Variants in COX15 observed in about 807,000 individuals in gnomAD.
COX15 encodes the protein cytochrome c oxidase assembly factor COX15, also known as heme A synthase COX15.
Under a neutral mutation model 51.9 loss-of-function variants are expected in COX15, and 51 were observed. The ratio of observed to expected loss-of-function variants is 0.98; its 90% CI spans 0.78 to 1.24. COX15 has a LOEUF of 1.24. Ranked by LOEUF, COX15 falls within the 50% of genes most tolerant of loss-of-function variation. The pLI is 0.00. For missense variants in COX15, 420 were observed against 501.1 expected, an observed-to-expected ratio of 0.84 and a Z score of 1.55; for synonymous variants, 188 against 190.5, an observed-to-expected ratio of 0.99 and a Z score of 0.11.
chr10:99,716,728 C>T, intron 7 of COX15: 1 of 387,506 alleles, frequency 2.6e-6, no homozygotes, highest in Non-Finnish European at 4.9e-6. Context: ...CCAGTGATCT[C>T]ATCCACCTTC....
At chr10:99,727,310 G>A (rs2036992737) in intron 3 of COX15, 131 bp downstream of exon 3, 2 of 1,477,558 alleles carry the variant, frequency 1.4e-6, no homozygotes, top group African/African-American at 1.4e-5. Context: ...GGATTTGGGG[G>A]CTTAGAAGAC....
chr10:99,709,636 A>C (rs778853328), downstream of COX15: 3 of 985,242 alleles, frequency 3.0e-6, no homozygotes, highest in Non-Finnish European at 3.6e-6. Flanking sequence ...CATAACCTGG[A>C]TCTAAGTTGG....
At chr10:99,719,527 G>C (rs1032390640) in intron 6 of COX15, among the ~76,000 whole-genome samples, 9 of 151,986 alleles carry the variant, frequency 5.9e-5, no homozygotes, top group Non-Finnish European at 1.3e-4. Flanking sequence ...GTCTTGCTCT[G>C]TCACCCAGGC....
downstream of COX15, among the ~76,000 whole-genome samples, chr10:99,708,320 C>T (rs1590071351): frequency 6.6e-6 from 1 of 152,190 alleles, no homozygotes; most frequent in African/African-American, 2.4e-5. Flanking sequence ...ATACTTCTCA[C>T]TGATATCATC....
At chr10:99,727,255 T>C in intron 3 of COX15, 101 bp from the exon 4 acceptor site, 1 of 1,461,382 alleles carries the variant, frequency 6.8e-7, no homozygotes, top group South Asian at 1.2e-5. Context: ...TCCTGCAACT[T>C]GGTAGGTCTG....
rs2036746752 is a variant in COX15 at position 99,721,012 on chromosome 10, A to G, written c.807T>C (p.Gly269=). 6.2e-7 allele frequency: 1 copy of G among 1,613,824 alleles called. No individual in the cohort carries two copies. The highest frequency in any genetic ancestry group is 2.2e-5 in the East Asian group (1 of 44,878). The change falls in exon 6 of 9, where the codon GGT becomes GGC. Residue 269 remains glycine (G), a synonymous_variant. Transcript: ENST00000016171. The part of the protein sequence containing the change: ...QLRRFAHGTA[G]LVFLTALSGA... ...CTGAGAGGGCCGTAAGGAACACCAG[A>G]CCTGCTGTTCCATGAGCAAATCGTC...
intron 7 of COX15, among the ~76,000 whole-genome samples, chr10:99,717,576 A>C (rs1279954192): frequency 6.6e-6 from 1 of 152,072 alleles, no homozygotes; most frequent in Non-Finnish European, 1.5e-5. Flanking sequence ...CCAGGCTAGA[A>C]TGCAGTAACG....
rs1441215745 is a variant in COX15 at position 99,716,394 on chromosome 10, CT to C, written c.1054del (p.Arg352GlyfsTer7). 6.2e-7 allele frequency: 1 copy of C among 1,613,798 alleles called. No homozygotes were observed. The highest frequency in any genetic ancestry group is 8.5e-7 in the Non-Finnish European group (1 of 1,179,960). On this transcript the variant is annotated frameshift_variant, in exon 8 of 9. Coordinates refer to ENST00000016171, the MANE Select transcript of COX15 (RefSeq NM_078470.6). LOFTEE classifies it high-confidence loss of function. ...CAGAGTCACTGCTGCCATCTTGGTC[CT>C]TCTAGGAAGGGGAATTCTCCGAGAG... Reference protein sequence around the residue: ...FLSRRIPLPRRTKMAAVTLLA... With the variant: ...FLSRRIPLPRXTKMAAVTLLA...
chr10:99,717,185 C>A (rs150220775), intron 7 of COX15, among the ~76,000 whole-genome samples: 1 of 152,106 alleles, frequency 6.6e-6, no homozygotes, highest in African/African-American at 2.4e-5. Flanking sequence ...TCTCTCTGGA[C>A]GTGCTGCTCT....
Position 99,729,860 on chromosome 10 carries a change from T to C in COX15, c.91-126A>G, listed in dbSNP as rs2037083035. 5.3e-6 allele frequency: 5 copies of C among 943,020 alleles called. No individual in the cohort carries two copies. In the East Asian group the frequency reaches 1.3e-4, roughly 25 times the overall value. 58.4% of individuals were successfully genotyped at this position (943,020 alleles called of 1,614,324 possible). On this transcript the variant is annotated intron_variant, in intron 1 of 8. Transcript: ENST00000016171. ...ACAGCCATGTCTTGTTAAGTCATCA[T>C]CTCTTATCTGGATTACTGCATCAGC...
rs1288984579 is a variant in COX15 at position 99,718,781 on chromosome 10, T to C, written c.833-281A>G. ...TGTGGGGGGAGGGGGAGAGGCTTAT[T>C]AGCTTAGAAAAATTCCCTTAGTGAT... On this transcript the variant is annotated intron_variant, in intron 6 of 8. Transcript: ENST00000016171. Among the ~76,000 whole-genome samples, 5 of 152,066 alleles carry C rather than the reference T, an allele frequency of 3.3e-5. No individual in the cohort carries two copies. The South Asian group carries it at 6.2e-4, about 19-fold the overall frequency.
intron 7 of COX15, among the ~76,000 whole-genome samples, chr10:99,717,391 C>T (rs745503216): frequency 6.6e-6 from 1 of 152,170 alleles, no homozygotes; most frequent in Non-Finnish European, 1.5e-5. Flanking sequence ...ATTTATTTAT[C>T]GTAGAGATGA....
chr10:99,715,820 C>T (rs1449349456), intron 8 of COX15, among the ~76,000 whole-genome samples: 1 of 151,766 alleles, frequency 6.6e-6, no homozygotes, highest in East Asian at 1.9e-4. Flanking sequence ...TTTAAATTTG[C>T]TCCTCTCTGA....
At chr10:99,695,833 A>G in the COX15 span, 1 of 874,348 alleles carries the variant, frequency 1.1e-6, no homozygotes, top group East Asian at 2.8e-5. Flanking sequence ...TGAGGATGAA[A>G]GAATGCTTAA....
chr10:99,710,846 C>T (rs1228491362), downstream of COX15: 71 of 985,188 alleles, frequency 7.2e-5, no homozygotes, highest in Non-Finnish European at 8.6e-5. Flanking sequence ...AAGTTACAGA[C>T]AAAAAATTCT....
chr10:99,709,000 A>G (rs1411135838), downstream of COX15: 1 of 985,330 alleles, frequency 1.0e-6, no homozygotes, highest in Admixed American at 6.1e-5. Flanking sequence ...ACTTTGAAAA[A>G]AATACTTTGT....
In COX15 at chr10:99,713,314, T is replaced by G. The variant is rs1012343886; in HGVS notation, c.*1273A>C. Reference sequence around the variant, plus strand: ...AATTTAAATGAGTATGTTACATTTCTAATCTGTTTAATTTCATCTCGATGG... The same window carrying G: ...AATTTAAATGAGTATGTTACATTTCGAATCTGTTTAATTTCATCTCGATGG... On this transcript the variant is annotated 3_prime_UTR_variant, in exon 9 of 9. Coordinates refer to ENST00000016171, the MANE Select transcript of COX15 (RefSeq NM_078470.6). 1.9e-6 allele frequency: 3 copies of G among 1,593,356 alleles called. No homozygotes were observed. Among genetic ancestry groups the G allele is most frequent in the African/African-American group, 1.3e-5 (1 of 74,512 alleles).
At chr10:99,702,772 T>C in the COX15 span, 3 of 1,216,064 alleles carry the variant, frequency 2.5e-6, no homozygotes, top group Non-Finnish European at 3.3e-6. Flanking sequence ...CAGCTTAGAA[T>C]AGGTCTTAAG....
At position 99,713,328 on chromosome 10, in the gene COX15, T is replaced by G; in HGVS notation, c.*1259A>C. On this transcript the variant is annotated 3_prime_UTR_variant, in exon 9 of 9. Coordinates refer to ENST00000016171, the MANE Select transcript of COX15 (RefSeq NM_078470.6). ...TGTTACATTTCTAATCTGTTTAATT[T>G]CATCTCGATGGGGTCATTCTGGGAC... 6.2e-7 allele frequency: 1 copy of G among 1,607,032 alleles called. No individual in the cohort carries two copies. The highest frequency in any genetic ancestry group is 8.5e-7 in the Non-Finnish European group (1 of 1,175,912).
Sources: allele counts gnomAD v4.1 joint callset (sites outside exome capture counted in the v4.1 genomes callset), GRCh38; gene constraint gnomAD v4.1.1; transcripts MANE v1.5; gene names NCBI Gene and HGNC (gene_info 2026-07-23, HGNC 2026-07-21).